The following MMS22L variants were observed in gnomAD, a reference collection of about 807,000 sequenced individuals.
The protein encoded by MMS22L is protein MMS22-like.
In MMS22L, 74 loss-of-function variants were observed where a neutral mutation model predicts 159.1. That is an observed-to-expected ratio of 0.47 (90% CI 0.39 to 0.56). MMS22L has a LOEUF of 0.56. Among genes scored for constraint, MMS22L ranks in the 20% least tolerant of loss-of-function variants. The probability of loss-of-function intolerance (pLI) is 0.00; values close to 1 mark genes in which losing one functional copy is unlikely to be tolerated. For missense variants in MMS22L, 1,351 were observed against 1,422.1 expected (o/e 0.95, Z 0.80); for synonymous variants, 517 against 506.9 (o/e 1.02, Z -0.27).
At chr6:97,276,758 C>T (rs1457139738) in intron 4 of MMS22L, among the ~76,000 whole-genome samples, 1 of 152,202 alleles carries the variant, frequency 6.6e-6, no homozygotes, top group Admixed American at 6.5e-5. Flanking sequence ...TCTGTGAAGA[C>T]CCAGATCTGG....
Position 97,228,998 on chromosome 6 carries a change from A to G in MMS22L, c.1935T>C (p.His645=). The change falls in exon 14 of 25, where the codon CAT becomes CAC. Residue 645 remains histidine, a synonymous_variant. Transcript: ENST00000683635. ...FETSYCLYPS[H]EKLLNDGFSM... ...TAAATCCATCATTAAGCAGTTTTTC[A>G]TGGGAAGGATACAAGCAATAGCTGG... The G allele has an allele frequency of 6.2e-7, 1 of 1,614,112 alleles. No individual in the cohort carries two copies. Among genetic ancestry groups the G allele is most frequent in the Non-Finnish European group, 8.5e-7 (1 of 1,179,996 alleles).
At chr6:97,175,981 G>A (rs1374302274) in intron 18 of MMS22L, among the ~76,000 whole-genome samples, 2 of 152,082 alleles carry the variant, frequency 1.3e-5, no homozygotes, top group Non-Finnish European at 2.9e-5. Flanking sequence ...TTTCATTTAG[G>A]CAACCACATT....
At chr6:97,251,223 C>T (rs780544906) in intron 10 of MMS22L, among the ~76,000 whole-genome samples, 1 of 152,080 alleles carries the variant, frequency 6.6e-6, no homozygotes, top group African/African-American at 2.4e-5. Context: ...AAGACCTATT[C>T]GTAAGAGGCA....
intron 19 of MMS22L, 109 bp from the exon 20 acceptor site, chr6:97,168,349 G>C (rs1803192828): frequency 2.2e-6 from 2 of 895,598 alleles, no homozygotes; most frequent in Non-Finnish European, 3.5e-6. Context: ...AATTAAAGTA[G>C]GGAATAGGAA....
At chr6:97,186,410 C>T (rs938875826) in intron 15 of MMS22L, 87 bp downstream of exon 15, 62 of 1,104,522 alleles carry the variant, frequency 5.6e-5, no homozygotes, top group Non-Finnish European at 7.7e-5. Flanking sequence ...GTTTGCTATA[C>T]AAGAGTTTGT....
chr6:97,184,271 C>T (rs905789292), intron 15 of MMS22L, among the ~76,000 whole-genome samples: 3 of 152,106 alleles, frequency 2.0e-5, no homozygotes, highest in Admixed American at 6.6e-5. Flanking sequence ...TTTCTCCTGA[C>T]CCTACAAATC....
chr6:97,182,252 T>C (rs2128275505), intron 15 of MMS22L, among the ~76,000 whole-genome samples, 198 bp from the exon 16 acceptor site: 1 of 152,226 alleles, frequency 6.6e-6, no homozygotes, highest in South Asian at 2.1e-4. Context: ...CTGTAGCATC[T>C]AGATCTCCAA....
At chr6:97,184,582 C>T (rs1391830872) in intron 15 of MMS22L, among the ~76,000 whole-genome samples, 1 of 152,044 alleles carries the variant, frequency 6.6e-6, no homozygotes, top group Admixed American at 6.6e-5. Context: ...GCTATAGTTA[C>T]CCTTAATTCC....
chr6:97,213,040 A>T (rs529409111), intron 14 of MMS22L, among the ~76,000 whole-genome samples: 1 of 152,232 alleles, frequency 6.6e-6, no homozygotes, highest in South Asian at 2.1e-4. Context: ...GCATGAGCAC[A>T]TTGTGTGTGT....
At chr6:97,165,923 A>G (rs1368297227) in intron 20 of MMS22L, among the ~76,000 whole-genome samples, 1 of 152,148 alleles carries the variant, frequency 6.6e-6, no homozygotes, top group Non-Finnish European at 1.5e-5. Flanking sequence ...ACAAAGGGCG[A>G]GGAATATGGA....
chr6:97,163,015 C>A (rs1802605477), intron 21 of MMS22L, among the ~76,000 whole-genome samples: 1 of 151,844 alleles, frequency 6.6e-6, no homozygotes, highest in African/African-American at 2.4e-5. Context: ...GTATTATAAA[C>A]ATAAGGACAG....
chr6:97,217,563 TC>T (rs1236063638), intron 14 of MMS22L, among the ~76,000 whole-genome samples: 1 of 152,098 alleles, frequency 6.6e-6, no homozygotes, highest in Admixed American at 6.6e-5. Flanking sequence ...CCAAATAAAA[TC>T]TAATTATAAA....
intron 4 of MMS22L, among the ~76,000 whole-genome samples, chr6:97,273,563 C>T (rs1285069796): frequency 6.6e-6 from 1 of 152,200 alleles, no homozygotes; most frequent in African/African-American, 2.4e-5. Context: ...TCCAGACCTT[C>T]CGTGTTAAAC....
chr6:97,208,874 A>C (rs1429867310), intron 14 of MMS22L, among the ~76,000 whole-genome samples: 1 of 151,970 alleles, frequency 6.6e-6, no homozygotes, highest in South Asian at 2.1e-4. Context: ...CATTCATCAG[A>C]CTAGTTTGTA....
chr6:97,148,859 C>T (rs893438163), intron 24 of MMS22L, among the ~76,000 whole-genome samples: 4 of 151,992 alleles, frequency 2.6e-5, no homozygotes, highest in East Asian at 1.9e-4. Flanking sequence ...ACTCACTCGC[C>T]GACCCACCCA....
At chr6:97,262,609 G>A (rs947040329) in intron 9 of MMS22L, among the ~76,000 whole-genome samples, 1 of 148,406 alleles carries the variant, frequency 6.7e-6, no homozygotes, top group African/African-American at 2.5e-5. Flanking sequence ...ATGCCAAGGT[G>A]GAGGCTGCAG....
intron 14 of MMS22L, among the ~76,000 whole-genome samples, chr6:97,207,616 A>G (rs1807919806): frequency 6.6e-6 from 1 of 152,154 alleles, no homozygotes; most frequent in Admixed American, 6.6e-5. Flanking sequence ...TCTTCCAGTC[A>G]CAGGAAGATT....
rs1804789650 is a variant in MMS22L, at chr6:97,182,193, A to G, written c.2234-139T>C. ...TAAAATGTTCTACTTAGAAATGTAG[A>G]GCAAACAAAAAGCTAAAACTGAACA... On this transcript the variant is annotated intron_variant, in intron 15 of 24. Coordinates refer to ENST00000683635, the MANE Select transcript of MMS22L (RefSeq NM_001350599.2). The G allele has an allele frequency of 1.1e-5, 8 of 696,596 alleles. No individual in the cohort carries two copies. In the Admixed American group the frequency reaches 2.6e-4, roughly 23 times the overall value. 43.2% of individuals were successfully genotyped at this position (696,596 alleles called of 1,614,324 possible). A position where few individuals can be genotyped will look rare whatever the true frequency, so the allele number is the denominator to read the frequency against.
chr6:97,181,871 A>T, intron 16 of MMS22L, 33 bp downstream of exon 16: 1 of 1,596,916 alleles, frequency 6.3e-7, no homozygotes, highest in Non-Finnish European at 8.5e-7. Flanking sequence ...ACAGGTTTGC[A>T]TTAATGTGTA....
Sources: allele counts gnomAD v4.1 joint callset (sites outside exome capture counted in the v4.1 genomes callset), GRCh38; gene constraint gnomAD v4.1.1; transcripts MANE v1.5; gene names NCBI Gene and HGNC (gene_info 2026-07-23, HGNC 2026-07-21).